Variants in SND1 observed in about 807,000 individuals in gnomAD.
SND1 encodes staphylococcal nuclease and tudor domain containing 1, also known as staphylococcal nuclease domain-containing protein 1.
Under a neutral mutation model 121.7 loss-of-function variants are expected in SND1, and 38 were observed. That is an observed-to-expected ratio of 0.31 (90% CI 0.24 to 0.41). The LOEUF (loss-of-function observed/expected upper bound fraction) is 0.41, where lower values mean the gene tolerates loss of function less well. SND1 is among the 10% of genes least tolerant of loss of function. SND1 has a pLI of 1.00. For missense variants in SND1, 868 were observed against 1,184.6 expected, an observed-to-expected ratio of 0.73 and a Z score of 3.92; for synonymous variants, 401 against 447.4, an observed-to-expected ratio of 0.90 and a Z score of 1.31.
At chr7:127,855,326 G>T (rs1186816987) in intron 12 of SND1, among the ~76,000 whole-genome samples, 1 of 151,906 alleles carries the variant, frequency 6.6e-6, no homozygotes, top group Non-Finnish European at 1.5e-5. Flanking sequence ...TGCTCAGGCT[G>T]GTCTCGAACT....
chr7:127,789,496 A>G (rs1039669156), intron 10 of SND1, among the ~76,000 whole-genome samples: 22 of 152,196 alleles, frequency 1.4e-4, no homozygotes, highest in African/African-American at 5.1e-4. Context: ...CTCACTGCGG[A>G]AGAGAGACTA....
At chr7:127,928,386 G>T (rs1029450926) in intron 14 of SND1, among the ~76,000 whole-genome samples, 1 of 151,996 alleles carries the variant, frequency 6.6e-6, no homozygotes, top group African/African-American at 2.4e-5. Flanking sequence ...GGAGAAGGCT[G>T]GCCACTTCTC....
chr7:127,719,781 T>C (rs1796457617), intron 9 of SND1, among the ~76,000 whole-genome samples: 1 of 152,196 alleles, frequency 6.6e-6, no homozygotes, highest in Non-Finnish European at 1.5e-5. Context: ...TTGCTTACAG[T>C]GGTAAAACCC....
chr7:127,729,439 C>CTT (rs10712716), intron 10 of SND1, among the ~76,000 whole-genome samples: 1,846 of 97,276 alleles, frequency 0.019, 62 homozygotes, highest in African/African-American at 0.068. Context: ...AGATAAATTA[C>CTT]TTTTTTTTTT....
At chr7:127,908,146 C>G (rs1356371863) in intron 14 of SND1, among the ~76,000 whole-genome samples, 2 of 152,006 alleles carry the variant, frequency 1.3e-5, no homozygotes, top group East Asian at 1.9e-4. Context: ...TTGTCTAGGG[C>G]TTTGATAAAA....
rs542329833 is a variant in SND1 at position 127,833,855 on chromosome 7, A to G, written c.1243-10469A>G. ...CTTGCACAATCGAAACTCTATACCCATTAAATAAATCTCTCCATCCCCTGT... is the reference window on the plus strand; with the variant it reads ...CTTGCACAATCGAAACTCTATACCCGTTAAATAAATCTCTCCATCCCCTGT... On this transcript the variant is annotated intron_variant, in intron 11 of 23. Transcript: ENST00000354725. Among the ~76,000 whole-genome samples, 413 of 152,316 alleles carry G rather than the reference A, an allele frequency of 2.7e-3. 1 individual carries two copies. The highest frequency in any genetic ancestry group is 4.7e-3 in the Non-Finnish European group (323 of 68,028).
At chr7:127,985,093 A>C (rs1331566093) in intron 15 of SND1, among the ~76,000 whole-genome samples, 1 of 151,732 alleles carries the variant, frequency 6.6e-6, no homozygotes, top group African/African-American at 2.4e-5. Context: ...CTACAGCACC[A>C]CTCCCTCCCT....
chr7:128,041,620 A>C (rs1019607194), intron 16 of SND1, among the ~76,000 whole-genome samples: 1 of 152,216 alleles, frequency 6.6e-6, no homozygotes, highest in Non-Finnish European at 1.5e-5. Context: ...CTCCTCTATC[A>C]GATTTAGAAA....
intron 10 of SND1, among the ~76,000 whole-genome samples, chr7:127,792,231 G>T (rs1373103290): frequency 6.6e-6 from 1 of 152,140 alleles, no homozygotes; most frequent in African/African-American, 2.4e-5. Flanking sequence ...GTGCATATCT[G>T]CACAGTGGAG....
chr7:127,769,821 C>G (rs1270475129), intron 10 of SND1, among the ~76,000 whole-genome samples: 1 of 152,162 alleles, frequency 6.6e-6, no homozygotes, highest in East Asian at 1.9e-4. Flanking sequence ...GAACAGTGCC[C>G]TTTTTGTAGC....
intron 11 of SND1, among the ~76,000 whole-genome samples, chr7:127,808,901 T>C (rs1268587537): frequency 6.6e-6 from 1 of 152,222 alleles, no homozygotes; most frequent in Non-Finnish European, 1.5e-5. Flanking sequence ...TCTTCACAAG[T>C]GTGGGTTTCT....
intron 12 of SND1, among the ~76,000 whole-genome samples, chr7:127,869,765 A>G (rs986927113): frequency 6.6e-6 from 1 of 152,182 alleles, no homozygotes; most frequent in Non-Finnish European, 1.5e-5. Context: ...ATGAAGGTAG[A>G]AAATTATTCA....
intron 1 of SND1, among the ~76,000 whole-genome samples, chr7:127,682,993 CT>C (rs1321022149): frequency 6.6e-6 from 1 of 152,160 alleles, no homozygotes; most frequent in African/African-American, 2.4e-5. Flanking sequence ...GACCCTTGGC[CT>C]TTTTCATATT....
chr7:127,788,007 C>T (rs560181264), intron 10 of SND1, among the ~76,000 whole-genome samples: 5 of 152,094 alleles, frequency 3.3e-5, no homozygotes, highest in African/African-American at 7.2e-5. Context: ...CACTAGTAGG[C>T]GAAACGGGTG....
At chr7:127,971,764 T>C (rs1801994162) in intron 15 of SND1, among the ~76,000 whole-genome samples, 1 of 151,866 alleles carries the variant, frequency 6.6e-6, no homozygotes, top group East Asian at 1.9e-4. Flanking sequence ...TACAGCTTGC[T>C]GAATTAATTT....
chr7:128,065,575 A>G (rs1227584213), intron 16 of SND1, among the ~76,000 whole-genome samples: 1 of 152,226 alleles, frequency 6.6e-6, no homozygotes, highest in Non-Finnish European at 1.5e-5. Context: ...CAGTTACTCC[A>G]TAGATCATAC....
At chr7:127,877,592 A>G (rs1004370074) in intron 12 of SND1, among the ~76,000 whole-genome samples, 3 of 152,004 alleles carry the variant, frequency 2.0e-5, no homozygotes, top group African/African-American at 7.2e-5. Context: ...TTTCTCTATC[A>G]TCCTTCTTAT....
chr7:127,887,931 G>A lies in SND1; in HGVS notation c.1373G>A (p.Gly458Asp). 1 of 1,612,098 alleles carries A rather than the reference G, an allele frequency of 6.2e-7. No individual in the cohort carries two copies. The highest frequency in any genetic ancestry group is 8.5e-7 in the Non-Finnish European group (1 of 1,178,828). The change falls in exon 13 of 24, where the codon GGT becomes GAT. Residue 458 changes from glycine to aspartate, a missense_variant. Gly to Asp is a moderately conservative substitution (Grantham distance 94, BLOSUM62 -1). Coordinates refer to ENST00000354725, the MANE Select transcript of SND1 (RefSeq NM_014390.4). ...ATTGCTGAGGCTCTTGTCAGCAAAG[G>A]TCTAGCCACAGTGATCAGATACCGG... ...INIAEALVSK[G>D]LATVIRYRQD...
At chr7:127,688,701 G>C (rs1425721729) in intron 2 of SND1, among the ~76,000 whole-genome samples, 1 of 151,436 alleles carries the variant, frequency 6.6e-6, no homozygotes, top group African/African-American at 2.4e-5. Context: ...CAGCCTGGGT[G>C]ACAGTGTAAG....
Sources: allele counts gnomAD v4.1 joint callset (sites outside exome capture counted in the v4.1 genomes callset), GRCh38; gene constraint gnomAD v4.1.1; transcripts MANE v1.5; gene names NCBI Gene and HGNC (gene_info 2026-07-23, HGNC 2026-07-21).